Variants in EPG5 observed in about 807,000 individuals in gnomAD.
EPG5 encodes the protein ectopic P-granules 5 autophagy tethering factor.
EPG5 carries 159 observed loss-of-function variants against 302.7 expected under a neutral mutation model. The observed-to-expected ratio is 0.53, with a 90% confidence interval of 0.46 to 0.60. The LOEUF (loss-of-function observed/expected upper bound fraction) is 0.60. Among genes scored for constraint, EPG5 ranks in the 20% least tolerant of loss-of-function variants. The pLI, the probability that EPG5 is intolerant of heterozygous loss-of-function variation, is 0.00. For synonymous variants in EPG5, 1,158 were observed against 1,136.8 expected, an observed-to-expected ratio of 1.02 and a Z score of -0.37; for missense variants, 2,896 against 3,092.4, an observed-to-expected ratio of 0.94 and a Z score of 1.51.
chr18:45,853,956 C>G (rs540681488), intron 43 of EPG5, among the ~76,000 whole-genome samples: 1 of 152,312 alleles, frequency 6.6e-6, no homozygotes, highest in East Asian at 1.9e-4. Context: ...TTCTTCAAAT[C>G]TGAAAATCCT....
At position 45,908,068 on chromosome 18, in the gene EPG5, A is replaced by C; in HGVS notation, c.4219T>G (p.Tyr1407Asp). 6.5e-7 allele frequency: 1 copy of C among 1,533,806 alleles called. No homozygotes were observed. Among genetic ancestry groups the C allele is most frequent in the Non-Finnish European group, 8.9e-7 (1 of 1,126,426 alleles). The change falls in exon 24 of 44, where the codon TAT becomes GAT. Residue 1407 changes from tyrosine (Y) to aspartate (D), a missense_variant. Coordinates refer to ENST00000282041, the MANE Select transcript of EPG5 (RefSeq NM_020964.3). ...HKELVRLFNV[Y>D]ILWLEDENFQ... is the part of the protein sequence containing the mutation. Reference sequence around the variant, plus strand: ...TTCTCATCTTCTAGCCATAATATATATACATTGAAGAGCCTAAAAGATAAA... The same window carrying C: ...TTCTCATCTTCTAGCCATAATATATCTACATTGAAGAGCCTAAAAGATAAA...
chr18:45,837,481 C>G, the EPG5 span: 1 of 1,448,478 alleles, frequency 6.9e-7, no homozygotes, highest in Non-Finnish European at 9.0e-7. Context: ...ACCCCAGGGC[C>G]CCGAGCCTGA....
At chr18:45,917,927 A>C in intron 16 of EPG5, 108 bp from the exon 17 acceptor site, 1 of 1,129,556 alleles carries the variant, frequency 8.9e-7, no homozygotes, top group Non-Finnish European at 1.3e-6. Context: ...TCAGGTCTCC[A>C]ACACATGTTT....
At chr18:45,803,706 G>C in the EPG5 span, among the ~76,000 whole-genome samples, 1 of 152,170 alleles carries the variant, frequency 6.6e-6, no homozygotes, top group Non-Finnish European at 1.5e-5. Context: ...AGCAGAGATT[G>C]TAAGCACCCT....
chr18:45,904,840 G>A (rs2145617314), intron 24 of EPG5, among the ~76,000 whole-genome samples: 1 of 152,092 alleles, frequency 6.6e-6, no homozygotes, highest in South Asian at 2.1e-4. Flanking sequence ...GTATGCTATT[G>A]GGTTATGTCA....
the EPG5 span, among the ~76,000 whole-genome samples, chr18:45,806,138 G>A: frequency 6.3e-3 from 967 of 152,322 alleles, 9 homozygotes; most frequent in African/African-American, 0.022. Flanking sequence ...CGACTTATCT[G>A]GGAGGGGAAA....
chr18:45,957,554 G>A (rs924839277), intron 1 of EPG5, among the ~76,000 whole-genome samples: 16 of 152,166 alleles, frequency 1.1e-4, no homozygotes, highest in African/African-American at 3.4e-4. Context: ...TGGTTACTAC[G>A]GCAAGAGAAA....
chr18:45,805,606 AAAGT>A, the EPG5 span, among the ~76,000 whole-genome samples: 1 of 152,154 alleles, frequency 6.6e-6, no homozygotes, highest in African/African-American at 2.4e-5. Context: ...CTTAAAAACA[AAAGT>A]AAGATTTAAA....
chr18:45,820,933 C>T, the EPG5 span, among the ~76,000 whole-genome samples: 7 of 152,148 alleles, frequency 4.6e-5, no homozygotes, highest in South Asian at 2.1e-4. Context: ...CCCAGGACAA[C>T]GTACATGAGG....
chr18:45,883,520 G>C (rs2049147942), intron 30 of EPG5, among the ~76,000 whole-genome samples: 1 of 146,774 alleles, frequency 6.8e-6, no homozygotes, highest in African/African-American at 2.5e-5. Flanking sequence ...GAGTGCAGTG[G>C]TGCAATCACA....
intron 31 of EPG5, among the ~76,000 whole-genome samples, chr18:45,880,730 A>T (rs1189811293): frequency 6.6e-6 from 1 of 152,200 alleles, no homozygotes; most frequent in Non-Finnish European, 1.5e-5. Context: ...CCATATTCTG[A>T]ACTAGTCCCA....
Position 45,922,394 on chromosome 18 carries a change from C to T in EPG5, c.3045G>A (p.Ala1015=), listed in dbSNP as rs772585558. 3.7e-6 allele frequency: 6 copies of T among 1,614,064 alleles called. No homozygotes were observed. The highest frequency in any genetic ancestry group is 1.3e-5 in the African/African-American group (1 of 74,908). Residue 1015 remains alanine, a synonymous_variant, in exon 16 of 44, where the codon GCG becomes GCA. Transcript: ENST00000282041. ...TFHPLLKAVK[A]GMPIGCYLAL... ...CTAGATAACAGCCAATGGGCATGCC[C>T]GCTTTCACAGCCTTCAAGAGAGGAT...
chr18:45,836,365 G>A, the EPG5 span, among the ~76,000 whole-genome samples: 85 of 152,282 alleles, frequency 5.6e-4, no homozygotes, highest in Middle Eastern at 6.8e-3. Context: ...AAGAGCTGCC[G>A]TATTATTTCC....
chr18:45,875,199 A>C (rs959662355), intron 35 of EPG5, among the ~76,000 whole-genome samples: 1 of 152,226 alleles, frequency 6.6e-6, no homozygotes, highest in African/African-American at 2.4e-5. Context: ...CCCTCAGCCT[A>C]GGCCTTATGA....
At chr18:45,912,167 T>A in intron 22 of EPG5, 123 bp downstream of exon 22, 1 of 853,216 alleles carries the variant, frequency 1.2e-6, no homozygotes. Flanking sequence ...AGAGAAAGAG[T>A]CCTCACCAGA....
At position 45,923,335 on chromosome 18, in the gene EPG5, A is replaced by G; in HGVS notation, c.2771T>C (p.Leu924Pro). 6.2e-7 allele frequency: 1 copy of G among 1,614,074 alleles called. No homozygotes were observed. Among genetic ancestry groups the G allele is most frequent in the Non-Finnish European group, 8.5e-7 (1 of 1,179,986 alleles). The change falls in exon 15 of 44, where the codon CTT (leucine) becomes CCT (proline). Residue 924 changes from leucine to proline, a missense_variant. By Grantham distance (98) the Leu-to-Pro change is moderately conservative (BLOSUM62 -3). Transcript: ENST00000282041. ...AVHAEVALMV[L>P]EAYQKYLAQK... ...TGCAAGGTACTTCTGATAAGCTTCA[A>G]GAACCATTAAAGCCACTTCAGCATG...
intron 23 of EPG5, among the ~76,000 whole-genome samples, chr18:45,909,158 C>T (rs1210379303): frequency 6.6e-6 from 1 of 152,076 alleles, no homozygotes. Flanking sequence ...AACAGCCAGT[C>T]CAGGAAGACA....
At position 45,867,461 on chromosome 18, in the gene EPG5, C is replaced by T. The variant is rs2048771045; in HGVS notation, c.6411+102G>A. On this transcript the variant is annotated intron_variant, in intron 37 of 43. Coordinates refer to ENST00000282041, the MANE Select transcript of EPG5 (RefSeq NM_020964.3). ...CTCATATGCCAAGCATCTGTTCACACTGATAGGGGCACTGGAAAAACAAAT... is the reference window on the plus strand; with the variant it reads ...CTCATATGCCAAGCATCTGTTCACATTGATAGGGGCACTGGAAAAACAAAT... 6 of 928,434 alleles carry T rather than the reference C, an allele frequency of 6.5e-6. No homozygotes were observed. The African/African-American group carries it at 6.6e-5, about 10-fold the overall frequency. 57.5% of individuals were successfully genotyped at this position (928,434 alleles called of 1,614,324 possible).
At chr18:45,872,984 C>A (rs906367010) in intron 35 of EPG5, among the ~76,000 whole-genome samples, 1 of 152,138 alleles carries the variant, frequency 6.6e-6, no homozygotes, top group South Asian at 2.1e-4. Context: ...CAGATAAATT[C>A]TTTTCATTTT....
Sources: gnomAD v4.1 joint callset for allele counts (sites outside exome capture counted in the v4.1 genomes callset) on GRCh38, gnomAD v4.1.1 for gene constraint, MANE v1.5 for transcripts, NCBI Gene and HGNC (gene_info 2026-07-23, HGNC 2026-07-21) for gene names.